RPS6KA2: variants seen among roughly 807,000 people sequenced by gnomAD.
RPS6KA2 encodes the protein ribosomal protein S6 kinase alpha-2.
RPS6KA2 carries 42 observed loss-of-function variants against 91.8 expected under a neutral mutation model. That is an observed-to-expected ratio of 0.46 (90% confidence interval 0.36 to 0.59). RPS6KA2 has a LOEUF of 0.59. RPS6KA2 is among the 20% of genes least tolerant of loss of function. The pLI is 0.00. For missense variants in RPS6KA2, 798 were observed against 978.5 expected (o/e 0.82, Z 2.46); for synonymous variants, 414 against 393.6 (o/e 1.05, Z -0.61).
At chr6:166,581,965 A>T (rs1300517131) in intron 1 of RPS6KA2, among the ~76,000 whole-genome samples, 3 of 122,818 alleles carry the variant, frequency 2.4e-5, no homozygotes, top group Non-Finnish European at 5.0e-5. Context: ...ATAGGGTGGG[A>T]CGCCCACTGG....
chr6:166,637,127 T>C (rs1278652531), intron 2 of RPS6KA2, among the ~76,000 whole-genome samples: 3 of 151,814 alleles, frequency 2.0e-5, no homozygotes, highest in African/African-American at 7.3e-5. Context: ...CCTTGGGGAG[T>C]GCTGATATGC....
intron 2 of RPS6KA2, among the ~76,000 whole-genome samples, chr6:166,723,565 T>TACAA (rs1479143558): frequency 1.3e-5 from 2 of 152,112 alleles, no homozygotes; most frequent in Non-Finnish European, 2.9e-5. Flanking sequence ...AATACGTAAA[T>TACAA]ACAAACAGAA....
intron 1 of RPS6KA2, among the ~76,000 whole-genome samples, chr6:166,602,858 T>C (rs552300137): frequency 6.6e-6 from 1 of 152,336 alleles, no homozygotes; most frequent in South Asian, 2.1e-4. Context: ...GTATTTTGAT[T>C]CCTAAATATG....
chr6:166,820,828 CTTATAATGA>C (rs1449840799), intron 2 of RPS6KA2, among the ~76,000 whole-genome samples: 1 of 152,202 alleles, frequency 6.6e-6, no homozygotes, highest in Non-Finnish European at 1.5e-5. Context: ...AATTAACCCA[CTTATAATGA>C]CCTCAATTAT....
intron 2 of RPS6KA2, among the ~76,000 whole-genome samples, chr6:166,691,282 T>G (rs1789199552): frequency 6.6e-6 from 1 of 152,200 alleles, no homozygotes; most frequent in African/African-American, 2.4e-5. Context: ...ACGGCCCGCA[T>G]GCCAGGTTAG....
rs148551633 is a variant in RPS6KA2, at chr6:166,769,152, A to G, written c.123+89048T>C. Among the ~76,000 whole-genome samples the G allele has an allele frequency of 7.3e-3, 1,105 of 152,292 alleles. 15 individuals carry two copies. The highest frequency in any genetic ancestry group is 0.025 in the African/African-American group (1,044 of 41,556). On this transcript the variant is annotated intron_variant, in intron 2 of 21. Coordinates refer to the RPS6KA2 transcript ENST00000503859. ...GACCAATGGCTGTGCCATTGGCCCA[A>G]TGTTCACTGCTATGACCAAGAGAGG...
intron 11 of RPS6KA2, chr6:166,463,266 G>A (rs1281923227): frequency 6.6e-6 from 1 of 152,250 alleles, no homozygotes; most frequent in African/African-American, 2.4e-5. Flanking sequence ...TGCTTTGTAT[G>A]TAAACCACTG....
intron 3 of RPS6KA2, among the ~76,000 whole-genome samples, chr6:166,512,311 C>T (rs192362527): frequency 1.3e-5 from 2 of 152,206 alleles, no homozygotes; most frequent in Admixed American, 1.3e-4. Context: ...TGAACAGGAG[C>T]TGGAAGGGGG....
intron 11 of RPS6KA2, among the ~76,000 whole-genome samples, chr6:166,461,638 C>A (rs998357343): frequency 6.6e-6 from 1 of 151,972 alleles, no homozygotes; most frequent in Non-Finnish European, 1.5e-5. Context: ...CTAGCTCGAT[C>A]CAGCACAGAG....
rs1781749819 is a variant in RPS6KA2 at position 166,495,346 on chromosome 6, G to A, written c.747+3162C>T. Among the ~76,000 whole-genome samples, 1 of 152,208 alleles carries A rather than the reference G, an allele frequency of 6.6e-6. No individual in the cohort carries two copies. The highest frequency in any genetic ancestry group is 2.4e-5 in the African/African-American group (1 of 41,442). On this transcript the variant is annotated intron_variant, in intron 8 of 20. Transcript: ENST00000265678. The surrounding 1 kb of genome is among the most constrained non-coding windows in gnomAD (Gnocchi z 4.4). ...GCCGGACCCCTTCCCCAGCTGTCAC[G>A]AGACATTGAATGCGGGACGATCCCA...
chr6:166,418,257 C>T lies in RPS6KA2; in HGVS notation c.1906G>A (p.Gly636Arg). 1 of 1,613,638 alleles carries T rather than the reference C, an allele frequency of 6.2e-7. No individual in the cohort carries two copies. ...IGSGKYALSGGNWDSISDAAK... is the reference protein window; with the variant it reads ...IGSGKYALSGRNWDSISDAAK... ...GCGTCAGATATCGAGTCCCAGTTTC[C>T]CCCAGAAAGGGCATACTTCCCACTG... The change falls in exon 19 of 21, where the codon GGA becomes AGA. Residue 636 changes from glycine to arginine, a missense_variant. By Grantham distance (125) the Gly-to-Arg change is moderately radical. Transcript: ENST00000265678. The surrounding 1 kb of genome is among the most constrained non-coding windows in gnomAD (Gnocchi z 4.9).
At chr6:166,757,906 C>T (rs975264679) in intron 2 of RPS6KA2, 19 of 228,666 alleles carry the variant, frequency 8.3e-5, no homozygotes, top group Middle Eastern at 1.6e-3. Flanking sequence ...GATGAGAATG[C>T]GAAGTTACTC....
intron 1 of RPS6KA2, among the ~76,000 whole-genome samples, chr6:166,551,952 T>C (rs965880880): frequency 6.6e-6 from 1 of 152,218 alleles, no homozygotes; most frequent in Non-Finnish European, 1.5e-5. Flanking sequence ...ACTGAAGTCG[T>C]TGACACAGCA....
At chr6:166,415,809 A>G (rs1196344919) in intron 19 of RPS6KA2, among the ~76,000 whole-genome samples, 1 of 152,040 alleles carries the variant, frequency 6.6e-6, no homozygotes, top group Non-Finnish European at 1.5e-5. Context: ...ACTAAATGCC[A>G]GCTGCCATCA....
chr6:166,791,122 T>C (rs1341943707), intron 2 of RPS6KA2, among the ~76,000 whole-genome samples: 1 of 152,006 alleles, frequency 6.6e-6, no homozygotes, highest in Non-Finnish European at 1.5e-5. Flanking sequence ...GAGAACCATC[T>C]CATGTGCAGA....
At position 166,500,785 on chromosome 6, in the gene RPS6KA2, G is replaced by A; in HGVS notation, c.604+102C>T. ...AAATCAGAGACAAGCATCTGGCAAA[G>A]GGAAGGGCGGTGTAAATAAGAGGGC... On this transcript the variant is annotated intron_variant, in intron 7 of 20. Coordinates refer to ENST00000265678, the MANE Select transcript of RPS6KA2 (RefSeq NM_021135.6). This position sits in a 1 kb window ranked among gnomAD's most constrained non-coding sequence, Gnocchi z 4.3. 2.8e-6 allele frequency: 3 copies of A among 1,068,146 alleles called. No individual in the cohort carries two copies. Among genetic ancestry groups the A allele is most frequent in the East Asian group, 2.4e-5 (1 of 41,928 alleles). 66.2% of individuals were successfully genotyped at this position (1,068,146 alleles called of 1,614,324 possible). A position where few individuals can be genotyped will look rare whatever the true frequency, so the allele number is the denominator to read the frequency against.
chr6:166,412,566 G>T lies in RPS6KA2; in HGVS notation c.*196C>A. On this transcript the variant is annotated 3_prime_UTR_variant, in exon 21 of 21. Transcript: ENST00000265678. This position sits in a 1 kb window ranked among gnomAD's most constrained non-coding sequence, Gnocchi z 4.3. ...AGAAAAGAGAGCGGGCGGGGAGGCT[G>T]GCGCAGTGAGGCTTGGAGAAGCCCC... 1 of 505,304 alleles carries T rather than the reference G, an allele frequency of 2.0e-6. No homozygotes were observed. The highest frequency in any genetic ancestry group is 3.2e-5 in the South Asian group (1 of 31,134). 31.3% of individuals were successfully genotyped at this position (505,304 alleles called of 1,614,324 possible).
intron 1 of RPS6KA2, among the ~76,000 whole-genome samples, chr6:166,579,935 A>G (rs1351760419): frequency 6.6e-6 from 1 of 152,244 alleles, no homozygotes; most frequent in Non-Finnish European, 1.5e-5. Flanking sequence ...TATCCCAGCC[A>G]AAAAGAATAG....
At chr6:166,480,521 T>TATATATATAATATATA (rs58223795) in intron 10 of RPS6KA2, among the ~76,000 whole-genome samples, 1 of 111,388 alleles carries the variant, frequency 9.0e-6, no homozygotes, top group African/African-American at 4.2e-5. Context: ...ATATAATATA[T>TATATATATAATATATA]TTTTTTTTTT....
Sources: gnomAD v4.1 joint callset for allele counts (sites outside exome capture counted in the v4.1 genomes callset) on GRCh38, gnomAD v4.1.1 for gene constraint, Gnocchi (gnomAD v3.1) non-coding constraint, MANE v1.5 for transcripts, NCBI Gene and HGNC (gene_info 2026-07-23, HGNC 2026-07-21) for gene names.